Variants in CHRNA5 observed in about 807,000 individuals in gnomAD.
CHRNA5 encodes the protein neuronal acetylcholine receptor subunit alpha-5.
CHRNA5 carries 28 observed loss-of-function variants against 41.2 expected under a neutral mutation model. The observed-to-expected ratio is 0.68, with a 90% CI of 0.50 to 0.93. The LOEUF (loss-of-function observed/expected upper bound fraction) is 0.93. Ranked by LOEUF, CHRNA5 falls within the 40% of genes least tolerant of loss-of-function variation. The pLI is 0.00. For missense variants in CHRNA5, 481 were observed against 581.9 expected (o/e 0.83, Z 1.78); for synonymous variants, 188 against 205.8 (o/e 0.91, Z 0.74).
intron 1 of CHRNA5, among the ~76,000 whole-genome samples, chr15:78,574,972 TAAA>T (rs375021466): frequency 3.7e-5 from 5 of 135,244 alleles, no homozygotes; most frequent in Non-Finnish European, 3.1e-5. Flanking sequence ...GACCCTGTCT[TAAA>T]AAAAAAAAAA....
At chr15:78,585,244 C>T (rs937834940) in intron 2 of CHRNA5, among the ~76,000 whole-genome samples, 3 of 152,102 alleles carry the variant, frequency 2.0e-5, no homozygotes, top group Non-Finnish European at 4.4e-5. Flanking sequence ...AGGAAAATTG[C>T]TCTTTGGAAC....
intron 1 of CHRNA5, among the ~76,000 whole-genome samples, chr15:78,566,581 A>G (rs1445666946): frequency 6.6e-6 from 1 of 152,234 alleles, no homozygotes; most frequent in African/African-American, 2.4e-5. Context: ...CTAAACGTAG[A>G]AAAGCTAAGC....
Position 78,580,914 on chromosome 15 carries a change from CAAAAT to C in CHRNA5, c.215_219del (p.Ile72AsnfsTer15), listed in dbSNP as rs367611089. 2.6e-5 allele frequency: 42 copies of C among 1,614,088 alleles called. No homozygotes were observed. The highest frequency in any genetic ancestry group is 2.0e-4 in the African/African-American group (15 of 75,064). On this transcript the variant is annotated frameshift_variant, in exon 2 of 6. Coordinates refer to ENST00000299565, the Ensembl canonical transcript of CHRNA5. LOFTEE classifies it high-confidence loss of function. ...TTCGTCCTGTGGAACACCTGAATGACAAAATAAAAATAAAATTTGGACTTGCAATA... is the reference window on the plus strand; with the variant it reads ...TTCGTCCTGTGGAACACCTGAATGACAAAAATAAAATTTGGACTTGCAATA...
chr15:78,592,084 G>A (rs577093208), intron 5 of CHRNA5, among the ~76,000 whole-genome samples: 1 of 152,320 alleles, frequency 6.6e-6, no homozygotes, highest in South Asian at 2.1e-4. Context: ...AGCACTTTGG[G>A]AGGCTGAGGC....
chr15:78,573,641 T>A (rs2052827107), intron 1 of CHRNA5, among the ~76,000 whole-genome samples: 1 of 152,220 alleles, frequency 6.6e-6, no homozygotes, highest in Admixed American at 6.5e-5. Context: ...AATGTCTGTT[T>A]TTATCTGCAG....
exon 5 of CHRNA5, chr15:78,590,497 A>G: frequency 1.2e-6 from 2 of 1,614,218 alleles, no homozygotes; most frequent in Non-Finnish European, 8.5e-7. Context: ...ATGAGAAGTC[A>G]TGTAGACAGG....
exon 6 of CHRNA5, chr15:78,594,346 TAGTC>T (rs1191289461): frequency 3.3e-5 from 5 of 152,228 alleles, no homozygotes; most frequent in South Asian, 2.1e-4. Context: ...GATCTTAGAA[TAGTC>T]AGTCCACTAC....
intron 3 of CHRNA5, among the ~76,000 whole-genome samples, chr15:78,587,906 C>T (rs940265565): frequency 2.0e-5 from 3 of 152,112 alleles, no homozygotes; most frequent in Admixed American, 6.6e-5. Context: ...TGTTGAAATA[C>T]GCAGAATGTG....
exon 2 of CHRNA5, chr15:78,580,937 T>G: frequency 1.2e-6 from 2 of 1,613,896 alleles, no homozygotes; most frequent in South Asian, 2.2e-5. Context: ...AAATTTGGAC[T>G]TGCAATATCT....
chr15:78,586,688 A>T (rs768366429), exon 3 of CHRNA5: 1 of 1,603,096 alleles, frequency 6.2e-7, no homozygotes, highest in African/African-American at 1.3e-5. Context: ...TGGTTGAAAC[A>T]GGTATGTGTG....
intron 5 of CHRNA5, among the ~76,000 whole-genome samples, chr15:78,592,431 C>T (rs1201372100): frequency 6.6e-6 from 1 of 152,178 alleles, no homozygotes; most frequent in Non-Finnish European, 1.5e-5. Flanking sequence ...CATAGAGGTT[C>T]AGGGCCAGGG....
intron 1 of CHRNA5, among the ~76,000 whole-genome samples, chr15:78,578,364 C>T (rs2141407726): frequency 6.6e-6 from 1 of 152,162 alleles, no homozygotes; most frequent in East Asian, 1.9e-4. Flanking sequence ...AAAAATTAGC[C>T]AGGCGTGGTG....
intron 2 of CHRNA5, among the ~76,000 whole-genome samples, chr15:78,586,225 C>T (rs1003575974): frequency 1.3e-5 from 2 of 152,210 alleles, no homozygotes; most frequent in African/African-American, 2.4e-5. Context: ...AAGAAGCACA[C>T]TTTTCCGCAT....
At chr15:78,579,815 C>T (rs1438291270) in intron 1 of CHRNA5, among the ~76,000 whole-genome samples, 2 of 152,172 alleles carry the variant, frequency 1.3e-5, no homozygotes, top group African/African-American at 2.4e-5. Flanking sequence ...ACCCTTCTTG[C>T]TGCATTTTCT....
intron 1 of CHRNA5, among the ~76,000 whole-genome samples, chr15:78,568,100 C>T (rs2052766334): frequency 6.6e-6 from 1 of 152,084 alleles, no homozygotes; most frequent in Admixed American, 6.6e-5. Flanking sequence ...TTTATTTTTA[C>T]AATTTATTGT....
chr15:78,588,198 A>G lies in CHRNA5; in HGVS notation c.304-116A>G, dbSNP rs961534169. 2 of 526,230 alleles carry G rather than the reference A, an allele frequency of 3.8e-6. No individual in the cohort carries two copies. The highest frequency in any genetic ancestry group is 3.4e-6 in the Non-Finnish European group (1 of 293,750). The allele number at this position is 526,230 out of a possible 1,614,324, so 32.6% of individuals were successfully genotyped here. On this transcript the variant is annotated intron_variant, in intron 3 of 5. Coordinates refer to ENST00000299565, the Ensembl canonical transcript of CHRNA5. This position sits in a 1 kb window ranked among gnomAD's most constrained non-coding sequence, Gnocchi z 4.1. The stretch of plus-strand genomic sequence containing the variant: ...TAAGAAAGACAGGGAGGTGTTCTCT[A>G]TTGGGGGTAGAGATGATCTCATGTC...
At position 78,579,290 on chromosome 15, in the gene CHRNA5, G is replaced by A. The variant is rs184607442; in HGVS notation, c.107-1521G>A. On this transcript the variant is annotated intron_variant, in intron 1 of 5. Coordinates refer to ENST00000299565, the Ensembl canonical transcript of CHRNA5. ...GTTTTTTGAGACAGAGTCTCGCTCT[G>A]TTGGCCACGCTGGAGTGCAGTGGCA... Among the ~76,000 whole-genome samples, 68 of 152,228 alleles carry A rather than the reference G, an allele frequency of 4.5e-4. 1 individual carries two copies. Among genetic ancestry groups the A allele is most frequent in the Admixed American group, 4.5e-3 (68 of 15,280 alleles).
rs201230605 is a variant in CHRNA5 at position 78,565,523 on chromosome 15, T to G, written c.-197T>G. 15 of 203,798 alleles carry G rather than the reference T, an allele frequency of 7.4e-5. No individual in the cohort carries two copies. Among genetic ancestry groups the G allele is most frequent in the Non-Finnish European group, 8.7e-5 (9 of 103,240 alleles). 12.6% of individuals were successfully genotyped at this position (203,798 alleles called of 1,614,324 possible). A position where few individuals can be genotyped will look rare whatever the true frequency, so the allele number is the denominator to read the frequency against. Reference sequence around the variant, plus strand: ...GGGCTAGGCGCCGGGAGCTTCCACATGCGTCCCGAGCCCGCCAGAAGCTGC... The same window carrying G: ...GGGCTAGGCGCCGGGAGCTTCCACAGGCGTCCCGAGCCCGCCAGAAGCTGC... On this transcript the variant is annotated 5_prime_UTR_variant, in exon 1 of 6. An upstream start codon of the reference 5' UTR is lost. Coordinates refer to ENST00000299565, the Ensembl canonical transcript of CHRNA5.
intron 1 of CHRNA5, among the ~76,000 whole-genome samples, chr15:78,572,557 C>T (rs2141399843): frequency 1.3e-5 from 2 of 152,208 alleles, no homozygotes; most frequent in East Asian, 3.9e-4. Context: ...GATCTCGGCT[C>T]ACTGCAACCT....
Sources: gnomAD v4.1 joint callset for allele counts (sites outside exome capture counted in the v4.1 genomes callset) on GRCh38, gnomAD v4.1.1 for gene constraint, Gnocchi (gnomAD v3.1) non-coding constraint, MANE v1.5 for transcripts, NCBI Gene and HGNC (gene_info 2026-07-23, HGNC 2026-07-21) for gene names.